TTLL5: variants seen among roughly 807,000 people sequenced by gnomAD.
The protein encoded by TTLL5 is tubulin tyrosine ligase like 5.
In TTLL5, 132 loss-of-function variants were observed where a neutral mutation model predicts 168.4. The ratio of observed to expected loss-of-function variants is 0.78; its 90% CI spans 0.68 to 0.91. The LOEUF (loss-of-function observed/expected upper bound fraction) is 0.91, where lower values mean the gene tolerates loss of function less well. Ranked by LOEUF, TTLL5 falls within the 40% of genes least tolerant of loss-of-function variation. TTLL5 has a pLI of 0.00. For missense variants in TTLL5, 1,545 were observed against 1,581.5 expected (o/e 0.98, Z 0.39); for synonymous variants, 546 against 558.6 (o/e 0.98, Z 0.32).
intron 5 of TTLL5, 49 bp from the exon 6 acceptor site, chr14:75,690,143 A>C (rs1340265185): frequency 6.2e-7 from 1 of 1,608,840 alleles, no homozygotes; most frequent in South Asian, 1.1e-5. Context: ...AACACAGGAA[A>C]ATTCTGAGTC....
In TTLL5 at chr14:75,669,813, T is replaced by C. The variant is rs183634112; in HGVS notation, c.181+291T>C. Among the ~76,000 whole-genome samples, 411 of 152,332 alleles carry C rather than the reference T, an allele frequency of 2.7e-3. 3 individuals carry two copies. The highest frequency in any genetic ancestry group is 9.5e-3 in the African/African-American group (394 of 41,564). The stretch of plus-strand genomic sequence containing the variant: ...TTAGAGTGTACAAGTCGTTGTTGTT[T>C]AGTACATTCACAATGTTGTGCAGCC... On this transcript the variant is annotated intron_variant, in intron 3 of 31. Coordinates refer to ENST00000298832, the MANE Select transcript of TTLL5 (RefSeq NM_015072.5).
chr14:75,749,702 G>A (rs1463956601), intron 17 of TTLL5, among the ~76,000 whole-genome samples: 4 of 152,080 alleles, frequency 2.6e-5, no homozygotes, highest in Admixed American at 6.6e-5. Context: ...CTCTTGGTGC[G>A]TTCTGAGAAA....
chr14:75,914,033 A>ATATATATATATAT (rs1555356334), intron 31 of TTLL5, among the ~76,000 whole-genome samples: 11 of 71,096 alleles, frequency 1.5e-4, no homozygotes, highest in African/African-American at 1.4e-3. Context: ...AAAAAAAAAA[A>ATATATATATATAT]ATATATATAT....
intron 3 of TTLL5, among the ~76,000 whole-genome samples, chr14:75,676,750 A>G (rs879285608): frequency 4.6e-4 from 70 of 151,850 alleles, no homozygotes; most frequent in Non-Finnish European, 7.7e-4. Context: ...TAGGAGAAAT[A>G]ATATTGATAG....
intron 27 of TTLL5, among the ~76,000 whole-genome samples, chr14:75,804,398 A>G (rs1893532018): frequency 1.3e-5 from 2 of 152,200 alleles, no homozygotes. Context: ...AGTGAATCTC[A>G]ATTTCAGAAA....
intron 29 of TTLL5, among the ~76,000 whole-genome samples, chr14:75,875,773 G>A (rs903416454): frequency 6.6e-6 from 1 of 152,164 alleles, no homozygotes; most frequent in African/African-American, 2.4e-5. Flanking sequence ...AACATCAGGT[G>A]TCATGTGATT....
intron 26 of TTLL5, among the ~76,000 whole-genome samples, chr14:75,788,689 A>C (rs931520187): frequency 6.6e-6 from 1 of 152,194 alleles, no homozygotes; most frequent in Non-Finnish European, 1.5e-5. Context: ...AGATAATTTC[A>C]ATATATTTTT....
At chr14:75,669,725 T>C (rs1413357412) in intron 3 of TTLL5, among the ~76,000 whole-genome samples, 1 of 152,148 alleles carries the variant, frequency 6.6e-6, no homozygotes, top group Admixed American at 6.5e-5. Flanking sequence ...GAATATTGTG[T>C]ACATGTGTTT....
chr14:75,756,611 G>A (rs1333657160), intron 18 of TTLL5, among the ~76,000 whole-genome samples: 4 of 151,672 alleles, frequency 2.6e-5, no homozygotes, highest in Admixed American at 2.6e-4. Flanking sequence ...GGGTTCAAGT[G>A]ATTCTCCTGC....
chr14:75,764,823 C>A, intron 19 of TTLL5, 51 bp downstream of exon 19: 4 of 1,599,646 alleles, frequency 2.5e-6, no homozygotes, highest in Non-Finnish European at 3.4e-6. Context: ...TCCTGCCAGA[C>A]TGAGTTAACC....
At position 75,690,407 on chromosome 14, in the gene TTLL5, C is replaced by A; in HGVS notation, c.502+85C>A. On this transcript the variant is annotated intron_variant, in intron 6 of 31. Transcript: ENST00000298832. ...CCAAAAGCCTCCTCAAGGTGTCAAC[C>A]AATCAGGGCTTTCCAAATCCTTAGA... 6 of 1,477,622 alleles carry A rather than the reference C, an allele frequency of 4.1e-6. No individual in the cohort carries two copies. In the South Asian group the frequency reaches 5.8e-5, roughly 14 times the overall value. 91.5% of individuals were successfully genotyped at this position (1,477,622 alleles called of 1,614,324 possible). A position where few individuals can be genotyped will look rare whatever the true frequency, so the allele number is the denominator to read the frequency against.
intron 12 of TTLL5, among the ~76,000 whole-genome samples, chr14:75,727,994 A>T (rs918428473): frequency 2.0e-5 from 3 of 152,220 alleles, no homozygotes; most frequent in African/African-American, 7.2e-5. Context: ...TTGTACACTT[A>T]GATCTAACTA....
chr14:75,776,015 G>A (rs1249670039), intron 22 of TTLL5, among the ~76,000 whole-genome samples: 2 of 152,146 alleles, frequency 1.3e-5, no homozygotes, highest in Non-Finnish European at 2.9e-5. Context: ...TCTTGAACGA[G>A]TTATACTTTC....
chr14:75,829,902 G>A (rs980058248), intron 28 of TTLL5, among the ~76,000 whole-genome samples: 21 of 152,154 alleles, frequency 1.4e-4, no homozygotes, highest in South Asian at 2.1e-4. Flanking sequence ...TGGCATATCC[G>A]TAAAGGAGAT....
At position 75,952,301 on chromosome 14, in the gene TTLL5, C is replaced by T. The variant is rs146138703; in HGVS notation, c.3824-2123C>T. On this transcript the variant is annotated intron_variant, in intron 31 of 31. Transcript: ENST00000298832. ...ACCAGCCTGGGCAACACAACGAGAC[C>T]CCATCTGCACCAAAAAAAAGAAAAA... Among the ~76,000 whole-genome samples, 492 of 152,058 alleles carry T rather than the reference C, an allele frequency of 3.2e-3. 4 individuals carry two copies. Among genetic ancestry groups the T allele is most frequent in the South Asian group, 0.012 (56 of 4,796 alleles).
chr14:75,779,990 A>G (rs1891952300), intron 24 of TTLL5, among the ~76,000 whole-genome samples: 2 of 152,186 alleles, frequency 1.3e-5, no homozygotes, highest in African/African-American at 4.8e-5. Flanking sequence ...TCTGCTGGAC[A>G]TGGTCTTATT....
intron 21 of TTLL5, among the ~76,000 whole-genome samples, chr14:75,773,967 G>GAAAGAGAGAA (rs1566598268): frequency 1.1e-4 from 11 of 101,576 alleles, no homozygotes; most frequent in African/African-American, 4.4e-4. Flanking sequence ...AAGAGAGAGA[G>GAAAGAGAGAA]AGAGAGAGAG....
intron 9 of TTLL5, chr14:75,709,600 G>C (rs1033671535): frequency 3.3e-5 from 6 of 183,486 alleles, no homozygotes; most frequent in African/African-American, 1.4e-4. Flanking sequence ...CTGACTACTA[G>C]CTCTAATCAG....
intron 19 of TTLL5, among the ~76,000 whole-genome samples, chr14:75,765,373 T>G (rs1341285050): frequency 1.3e-5 from 2 of 152,304 alleles, no homozygotes; most frequent in East Asian, 3.9e-4. Context: ...AAACATAGGA[T>G]AGAAAGATAT....
Sources: allele counts gnomAD v4.1 joint callset (sites outside exome capture counted in the v4.1 genomes callset), GRCh38; gene constraint gnomAD v4.1.1; transcripts MANE v1.5; gene names NCBI Gene and HGNC (gene_info 2026-07-23, HGNC 2026-07-21).